Variants in GALNT18 observed in about 807,000 individuals in gnomAD.
The protein encoded by GALNT18 is GalNAc-transferase 18.
Under a neutral mutation model 69.5 loss-of-function variants are expected in GALNT18, and 44 were observed. The observed-to-expected ratio is 0.63, with a 90% confidence interval of 0.50 to 0.81. The LOEUF is 0.81. GALNT18 is among the 40% of genes least tolerant of loss of function. The pLI is 0.00. For synonymous variants in GALNT18, 364 were observed against 318.2 expected (o/e 1.14, Z -1.53); for missense variants, 715 against 810.0 (o/e 0.88, Z 1.42).
chr11:11,462,456 T>C (rs1156930901), intron 1 of GALNT18, among the ~76,000 whole-genome samples: 1 of 149,738 alleles, frequency 6.7e-6, no homozygotes, highest in African/African-American at 2.5e-5. Context: ...TTTTATTTAT[T>C]TATTTTTTAT....
chr11:11,597,755 G>C (rs1356236648), intron 1 of GALNT18, among the ~76,000 whole-genome samples: 1 of 151,146 alleles, frequency 6.6e-6, no homozygotes, highest in Non-Finnish European at 1.5e-5. Context: ...CCACCTCCCA[G>C]GTTCATAGCA....
At chr11:11,400,197 C>A (rs1165819153) in intron 3 of GALNT18, among the ~76,000 whole-genome samples, 1 of 152,168 alleles carries the variant, frequency 6.6e-6, no homozygotes, top group Admixed American at 6.5e-5. Flanking sequence ...CCAGTCAAAC[C>A]TTCTGATGAC....
In GALNT18 at chr11:11,435,798, C is replaced by A. The variant is rs181816677; in HGVS notation, c.429-3011G>T. On this transcript the variant is annotated intron_variant, in intron 2 of 10. Coordinates refer to ENST00000227756, the MANE Select transcript of GALNT18 (RefSeq NM_198516.3). This position sits in a 1 kb window ranked among gnomAD's most constrained non-coding sequence, Gnocchi z 4.4. Reference sequence around the variant, plus strand: ...GGAGAGTCAGGTCCCGGTCCTCCCGCCGACCAGCAGGCTCCTGTTCTCCCA... The same window carrying A: ...GGAGAGTCAGGTCCCGGTCCTCCCGACGACCAGCAGGCTCCTGTTCTCCCA... 3.3e-5 allele frequency among the ~76,000 whole-genome samples: 5 copies of A among 152,216 alleles called. No individual in the cohort carries two copies. The highest frequency in any genetic ancestry group is 9.7e-5 in the African/African-American group (4 of 41,450).
intron 1 of GALNT18, among the ~76,000 whole-genome samples, chr11:11,504,416 A>C (rs986504871): frequency 1.4e-5 from 2 of 147,134 alleles, no homozygotes; most frequent in Non-Finnish European, 3.0e-5. Context: ...CCTCAAACAT[A>C]TTCATATTTT....
rs368537741 is a variant in GALNT18, at chr11:11,312,081, T to C, written c.1512+15005A>G. 5.6e-4 allele frequency among the ~76,000 whole-genome samples: 86 copies of C among 152,282 alleles called. No individual in the cohort carries two copies. In the South Asian group the frequency reaches 7.9e-3, roughly 14 times the overall value. The stretch of plus-strand genomic sequence containing the variant: ...ACGCCGTTCTCCTGTCTCAGCCTCC[T>C]GAGTAGCTGGGACTACAGGTGCCTG... On this transcript the variant is annotated intron_variant, in intron 9 of 10. Coordinates refer to ENST00000227756, the MANE Select transcript of GALNT18 (RefSeq NM_198516.3).
chr11:11,465,670 T>C lies in GALNT18; in HGVS notation c.236-16734A>G, dbSNP rs75021015. Among the ~76,000 whole-genome samples the C allele has an allele frequency of 0.074, 11,238 of 152,058 alleles. 898 individuals are homozygous for C. The highest frequency in any genetic ancestry group is 0.21 in the East Asian group (1,096 of 5,150). ...GAGTGCCCAGACCACTTCATACACT[T>C]GCTTCACCCACCTGTATAAGACATA... is the stretch of plus-strand genomic sequence containing the variant. On this transcript the variant is annotated intron_variant, in intron 1 of 10. Coordinates refer to ENST00000227756, the MANE Select transcript of GALNT18 (RefSeq NM_198516.3). The surrounding 1 kb of genome is among the most constrained non-coding windows in gnomAD (Gnocchi z 5.7).
At chr11:11,535,702 C>T (rs1482789776) in intron 1 of GALNT18, among the ~76,000 whole-genome samples, 6 of 152,208 alleles carry the variant, frequency 3.9e-5, no homozygotes, top group Non-Finnish European at 8.8e-5. Context: ...GCTAGGTTTG[C>T]CCGCCTGCCT....
intron 1 of GALNT18, among the ~76,000 whole-genome samples, chr11:11,535,878 C>T (rs766681024): frequency 4.8e-4 from 73 of 152,216 alleles, no homozygotes; most frequent in Admixed American, 8.5e-4. Context: ...GCTGGCTAGA[C>T]GTGCTTTCCT....
At chr11:11,581,409 G>A (rs1859081302) in intron 1 of GALNT18, among the ~76,000 whole-genome samples, 1 of 152,182 alleles carries the variant, frequency 6.6e-6, no homozygotes. Flanking sequence ...TGCCTGCCAG[G>A]ATTTTCTGCT....
rs1217715066 is a variant in GALNT18 at position 11,461,895 on chromosome 11, T to C, written c.236-12959A>G. On this transcript the variant is annotated intron_variant, in intron 1 of 10. Transcript: ENST00000227756. The surrounding 1 kb of genome is among the most constrained non-coding windows in gnomAD (Gnocchi z 4.1). The stretch of plus-strand genomic sequence containing the variant: ...GGGAAACCTGCAGCCTGAATGAAGC[T>C]GCAAAAATCATATGTACCTTTCATC... 6.6e-6 allele frequency among the ~76,000 whole-genome samples: 1 copy of C among 152,208 alleles called. No individual in the cohort carries two copies. Among genetic ancestry groups the C allele is most frequent in the South Asian group, 2.1e-4 (1 of 4,830 alleles).
At chr11:11,495,053 C>A (rs1018788212) in intron 1 of GALNT18, among the ~76,000 whole-genome samples, 3 of 151,762 alleles carry the variant, frequency 2.0e-5, no homozygotes, top group Non-Finnish European at 4.4e-5. Flanking sequence ...AAAAAAAATC[C>A]GAAATTACAT....
intron 10 of GALNT18, among the ~76,000 whole-genome samples, chr11:11,286,291 C>T (rs17348732): frequency 0.17 from 25,340 of 152,188 alleles, 2,484 homozygotes; most frequent in South Asian, 0.24. Context: ...ATATTTCCAC[C>T]TCTCTCCTCC....
At chr11:11,569,848 A>T (rs1240711262) in intron 1 of GALNT18, among the ~76,000 whole-genome samples, 1 of 152,146 alleles carries the variant, frequency 6.6e-6, no homozygotes, top group Admixed American at 6.5e-5. Context: ...TGGGGTAGCC[A>T]TAGGAGAAAG....
chr11:11,617,287 T>G lies in GALNT18; in HGVS notation c.235+4072A>C, dbSNP rs1243877854. ...TTAACTAACTCAAGCCCTGACCACG[T>G]TGACTAAAAGGGATTCTTTGTCCTT... On this transcript the variant is annotated intron_variant, in intron 1 of 10. Coordinates refer to ENST00000227756, the MANE Select transcript of GALNT18 (RefSeq NM_198516.3). The surrounding 1 kb of genome is among the most constrained non-coding windows in gnomAD (Gnocchi z 4.7). Among the ~76,000 whole-genome samples the G allele has an allele frequency of 6.6e-6, 1 of 152,246 alleles. No homozygotes were observed. The highest frequency in any genetic ancestry group is 1.5e-5 in the Non-Finnish European group (1 of 68,038).
chr11:11,437,011 C>T (rs1855417230), intron 2 of GALNT18, among the ~76,000 whole-genome samples: 1 of 152,212 alleles, frequency 6.6e-6, no homozygotes, highest in African/African-American at 2.4e-5. Flanking sequence ...AATTGGGCCA[C>T]CCACACACTC....
intron 1 of GALNT18, among the ~76,000 whole-genome samples, chr11:11,544,595 T>C (rs1858004715): frequency 6.6e-6 from 1 of 152,202 alleles, no homozygotes; most frequent in Non-Finnish European, 1.5e-5. Context: ...GTGCAGAATG[T>C]GCAGGTTTGT....
rs1178059809 is a variant in GALNT18, at chr11:11,439,251, C to T, written c.429-6464G>A. Among the ~76,000 whole-genome samples, 1 of 152,198 alleles carries T rather than the reference C, an allele frequency of 6.6e-6. No homozygotes were observed. Among genetic ancestry groups the T allele is most frequent in the East Asian group, 1.9e-4 (1 of 5,194 alleles). On this transcript the variant is annotated intron_variant, in intron 2 of 10. Transcript: ENST00000227756. This position sits in a 1 kb window ranked among gnomAD's most constrained non-coding sequence, Gnocchi z 4.4. Reference sequence around the variant, plus strand: ...GTGGACATGAAGTCACTGTTAGAAACACAGCAGAAGTGGGGCAAAGAGGAT... The same window carrying T: ...GTGGACATGAAGTCACTGTTAGAAATACAGCAGAAGTGGGGCAAAGAGGAT...
chr11:11,580,574 C>T (rs549336935), intron 1 of GALNT18, among the ~76,000 whole-genome samples: 8 of 152,354 alleles, frequency 5.3e-5, no homozygotes, highest in South Asian at 2.1e-4. Flanking sequence ...ATGAGACCTC[C>T]GCACAGAAAT....
intron 1 of GALNT18, among the ~76,000 whole-genome samples, chr11:11,578,000 C>CCTTCAAAT (rs112228429): frequency 0.43 from 65,199 of 151,466 alleles, 14,536 homozygotes; most frequent in East Asian, 0.65. Flanking sequence ...TCCCCAGGAC[C>CCTTCAAAT]CTTCCCTAAA....
Sources: allele counts gnomAD v4.1 joint callset (sites outside exome capture counted in the v4.1 genomes callset), GRCh38; gene constraint gnomAD v4.1.1; non-coding constraint Gnocchi (gnomAD v3.1); transcripts MANE v1.5; gene names NCBI Gene and HGNC (gene_info 2026-07-23, HGNC 2026-07-21).